FAM222B: variants seen among roughly 807,000 people sequenced by gnomAD.
FAM222B encodes the protein family with sequence similarity 222 member B.
In FAM222B, 12 loss-of-function variants were observed where a neutral mutation model predicts 38.0. The ratio of observed to expected loss-of-function variants is 0.32; its 90% CI spans 0.20 to 0.51. The LOEUF is 0.51. Ranked by LOEUF, FAM222B falls within the 20% of genes least tolerant of loss-of-function variation. The probability of loss-of-function intolerance (pLI) is 0.97; values close to 1 mark genes in which losing one functional copy is unlikely to be tolerated. For missense variants in FAM222B, 716 were observed against 754.2 expected, an observed-to-expected ratio of 0.95 and a Z score of 0.59; for synonymous variants, 329 against 317.2, an observed-to-expected ratio of 1.04 and a Z score of -0.40.
chr17:28,801,470 A>G (rs2037225692), intron 1 of FAM222B, among the ~76,000 whole-genome samples: 1 of 149,998 alleles, frequency 6.7e-6, no homozygotes, highest in African/African-American at 2.4e-5. Context: ...AAAAAAAAAA[A>G]GAAAAGAAAA....
chr17:28,780,779 G>A lies in FAM222B; in HGVS notation c.-40-14072C>T, dbSNP rs956376971. On this transcript the variant is annotated intron_variant, in intron 1 of 2. Coordinates refer to ENST00000581407, the MANE Select transcript of FAM222B (RefSeq NM_001077498.3). ...CACCTGTAATACCAGCTACTCGGAA[G>A]GCTGCAGCAGGAGAATCGCCTGAAC... Among the ~76,000 whole-genome samples the A allele has an allele frequency of 2.0e-5, 3 of 152,034 alleles. No homozygotes were observed. The East Asian group carries it at 5.8e-4, about 29-fold the overall frequency.
At chr17:28,818,569 T>TA (rs1340543362) in intron 1 of FAM222B, among the ~76,000 whole-genome samples, 4 of 150,462 alleles carry the variant, frequency 2.7e-5, no homozygotes, top group African/African-American at 9.8e-5. Flanking sequence ...AAAATAAAAA[T>TA]AAAAATAAAA....
At chr17:28,803,298 G>A (rs1198725494) in intron 1 of FAM222B, among the ~76,000 whole-genome samples, 5 of 151,976 alleles carry the variant, frequency 3.3e-5, no homozygotes, top group African/African-American at 1.2e-4. Context: ...ATGAGCCACC[G>A]TACCCAGGTT....
chr17:28,843,442 C>CTT (rs1161514672), upstream of FAM222B, among the ~76,000 whole-genome samples: 721 of 86,836 alleles, frequency 8.3e-3, 2 homozygotes, highest in African/African-American at 0.012. Flanking sequence ...CAGCCTGGGT[C>CTT]TTTTTTTTTT....
At chr17:28,839,441 CAGA>C (rs1234569842) in intron 1 of FAM222B, among the ~76,000 whole-genome samples, 7 of 152,136 alleles carry the variant, frequency 4.6e-5, no homozygotes, top group African/African-American at 1.7e-4. Context: ...GGAAAGATAA[CAGA>C]AGGAGAGGAG....
At chr17:28,807,378 G>T (rs1368519187) in intron 1 of FAM222B, among the ~76,000 whole-genome samples, 4 of 150,948 alleles carry the variant, frequency 2.6e-5, no homozygotes, top group African/African-American at 4.9e-5. Flanking sequence ...TTGTGTGTGT[G>T]TTTTTTTGTT....
intron 1 of FAM222B, among the ~76,000 whole-genome samples, chr17:28,792,311 CA>C (rs71135853): frequency 0.22 from 23,866 of 109,934 alleles, 2,143 homozygotes; most frequent in South Asian, 0.31. Context: ...GACTCTGTCT[CA>C]AAAAAAAAAA....
At chr17:28,775,477 C>T (rs1392704753) in intron 1 of FAM222B, among the ~76,000 whole-genome samples, 1 of 143,890 alleles carries the variant, frequency 6.9e-6, no homozygotes, top group East Asian at 2.0e-4. Context: ...AAAAAAAAAA[C>T]ACAGACAAAA....
At chr17:28,785,409 G>A (rs944609113) in intron 1 of FAM222B, among the ~76,000 whole-genome samples, 4 of 152,094 alleles carry the variant, frequency 2.6e-5, no homozygotes, top group Admixed American at 6.6e-5. Flanking sequence ...AACATTGAAC[G>A]GTTCCATAGC....
At chr17:28,822,310 C>A (rs916055541) in intron 1 of FAM222B, among the ~76,000 whole-genome samples, 2 of 150,594 alleles carry the variant, frequency 1.3e-5, no homozygotes, top group Non-Finnish European at 3.0e-5. Flanking sequence ...TGAGCCACCA[C>A]GCCCGGCCTA....
intron 1 of FAM222B, among the ~76,000 whole-genome samples, chr17:28,799,835 T>C (rs886272849): frequency 1.3e-5 from 2 of 152,146 alleles, no homozygotes; most frequent in Non-Finnish European, 2.9e-5. Flanking sequence ...CTTGAACTCC[T>C]AGGCTCAGGA....
chr17:28,847,591 C>T (rs1176141211), upstream of FAM222B, among the ~76,000 whole-genome samples: 1 of 151,722 alleles, frequency 6.6e-6, no homozygotes, highest in Admixed American at 6.6e-5. Context: ...AGGACTCTAT[C>T]TCAAACATAA....
chr17:28,812,196 A>C (rs974618933), intron 1 of FAM222B: 5 of 152,210 alleles, frequency 3.3e-5, no homozygotes. Context: ...CGTTAGAAAA[A>C]GCACACACAC....
At chr17:28,782,238 C>T (rs2036196258) in intron 1 of FAM222B, among the ~76,000 whole-genome samples, 1 of 152,150 alleles carries the variant, frequency 6.6e-6, no homozygotes, top group South Asian at 2.1e-4. Flanking sequence ...AGGAGGATCA[C>T]TTAGGCTCAG....
chr17:28,837,438 A>T (rs1052304800), intron 1 of FAM222B, among the ~76,000 whole-genome samples: 2 of 151,660 alleles, frequency 1.3e-5, no homozygotes, highest in East Asian at 1.9e-4. Flanking sequence ...TCAAAAAAAA[A>T]AAAAATAAAT....
chr17:28,829,213 C>G (rs548489820), intron 1 of FAM222B, among the ~76,000 whole-genome samples: 39 of 58,794 alleles, frequency 6.6e-4, no homozygotes, highest in African/African-American at 2.8e-3. Flanking sequence ...CACCCTCTCT[C>G]TACTCTTTTT....
At chr17:28,772,980 G>C (rs1006604311) in intron 1 of FAM222B, among the ~76,000 whole-genome samples, 1 of 152,204 alleles carries the variant, frequency 6.6e-6, no homozygotes, top group South Asian at 2.1e-4. Flanking sequence ...GTAAAGATAA[G>C]AGGTGAATTC....
At chr17:28,771,434 C>T (rs2035627208) in intron 1 of FAM222B, among the ~76,000 whole-genome samples, 1 of 152,180 alleles carries the variant, frequency 6.6e-6, no homozygotes, top group Admixed American at 6.5e-5. Context: ...GTAATCCCAG[C>T]ACTTTGGGAG....
At position 28,766,601 on chromosome 17, in the gene FAM222B, T is replaced by C; in HGVS notation, c.67A>G (p.Thr23Ala). Residue 23 changes from threonine to alanine, a missense_variant, in exon 2 of 3, where the codon ACT (threonine) becomes GCT (alanine). Physicochemically the swap from Thr to Ala is moderately conservative, Grantham distance 58 (BLOSUM62 0). Coordinates refer to ENST00000581407, the MANE Select transcript of FAM222B (RefSeq NM_001077498.3). ...GATTACTTACATTTCTGAAGTCCAGTGTTCATCTGCGTGTGAGAAAGAAGC... is the reference window on the plus strand; with the variant it reads ...GATTACTTACATTTCTGAAGTCCAGCGTTCATCTGCGTGTGAGAAAGAAGC... ...FQLLSHTQMNTGLQKWDTTQK... is the reference protein window; with the variant it reads ...FQLLSHTQMNAGLQKWDTTQK... The C allele has an allele frequency of 1.2e-6, 2 of 1,602,484 alleles. No homozygotes were observed. Among genetic ancestry groups the C allele is most frequent in the Non-Finnish European group, 1.7e-6 (2 of 1,174,314 alleles).
Sources: gnomAD v4.1 joint callset for allele counts (sites outside exome capture counted in the v4.1 genomes callset) on GRCh38, gnomAD v4.1.1 for gene constraint, MANE v1.5 for transcripts, NCBI Gene and HGNC (gene_info 2026-07-23, HGNC 2026-07-21) for gene names.